The following ADGRV1 variants were observed in gnomAD, a reference collection of about 807,000 sequenced individuals.
ADGRV1 encodes adhesion G protein-coupled receptor V1, also known as G-protein coupled receptor 98.
In ADGRV1, 359 loss-of-function variants were observed where a neutral mutation model predicts 596.2. That is an observed-to-expected ratio of 0.60 (90% CI 0.55 to 0.66). ADGRV1 has a LOEUF of 0.66. Ranked by LOEUF, ADGRV1 falls within the 30% of genes least tolerant of loss-of-function variation. The probability of loss-of-function intolerance (pLI) is 0.00; values close to 1 mark genes in which losing one functional copy is unlikely to be tolerated. For missense variants in ADGRV1, 7,274 were observed against 7,575.6 expected (o/e 0.96, Z 1.48); for synonymous variants, 2,681 against 2,679.2 (o/e 1.00, Z -0.02).
At chr5:91,138,538 A>T (rs1465571332) in intron 87 of ADGRV1, among the ~76,000 whole-genome samples, 1 of 152,204 alleles carries the variant, frequency 6.6e-6, no homozygotes, top group Non-Finnish European at 1.5e-5. Context: ...CAACAAAAAG[A>T]TATTGAATGA....
At chr5:90,799,716 G>A (rs563702055) in intron 70 of ADGRV1, among the ~76,000 whole-genome samples, 2 of 152,204 alleles carry the variant, frequency 1.3e-5, no homozygotes, top group East Asian at 3.9e-4. Flanking sequence ...GCATGGTAGT[G>A]GTACCAAAAC....
intron 34 of ADGRV1, among the ~76,000 whole-genome samples, chr5:90,698,524 C>T (rs1747492724): frequency 6.6e-6 from 1 of 152,110 alleles, no homozygotes; most frequent in Non-Finnish European, 1.5e-5. Flanking sequence ...GCTGCAGAAC[C>T]TGGCAATGCA....
chr5:90,681,287 T>C, intron 26 of ADGRV1, 28 bp from the exon 27 acceptor site: 1 of 1,596,324 alleles, frequency 6.3e-7, no homozygotes, highest in Non-Finnish European at 8.5e-7. Context: ...CATTTTTTTT[T>C]TCTATTTGTT....
intron 83 of ADGRV1, among the ~76,000 whole-genome samples, chr5:90,896,368 C>G (rs958431165): frequency 1.4e-5 from 2 of 145,794 alleles, no homozygotes; most frequent in Non-Finnish European, 3.0e-5. Flanking sequence ...CCTCCCGGCT[C>G]GAGAGACTCC....
At chr5:90,924,662 T>C (rs1774239405) in intron 83 of ADGRV1, among the ~76,000 whole-genome samples, 1 of 152,116 alleles carries the variant, frequency 6.6e-6, no homozygotes, top group Non-Finnish European at 1.5e-5. Context: ...CAATTTTGTC[T>C]TTTGTTGCCA....
chr5:90,576,354 A>G (rs1322336576), intron 1 of ADGRV1, among the ~76,000 whole-genome samples: 2 of 151,780 alleles, frequency 1.3e-5, no homozygotes, highest in African/African-American at 2.4e-5. Flanking sequence ...ATGAGTGAGA[A>G]CATGTGGTGT....
intron 85 of ADGRV1, among the ~76,000 whole-genome samples, chr5:91,020,758 C>T (rs1293227306): frequency 6.6e-6 from 1 of 151,962 alleles, no homozygotes; most frequent in Non-Finnish European, 1.5e-5. Flanking sequence ...ACTAGGAAGA[C>T]ACTGGAAGAG....
At chr5:90,692,858 C>G (rs1439695573) in intron 32 of ADGRV1, 72 bp downstream of exon 32, 1 of 1,143,344 alleles carries the variant, frequency 8.7e-7, no homozygotes, top group Non-Finnish European at 1.2e-6. Flanking sequence ...ATCCCTTGCA[C>G]AGTTAAATCA....
At chr5:90,577,532 G>A (rs1757393566) in intron 1 of ADGRV1, among the ~76,000 whole-genome samples, 1 of 152,188 alleles carries the variant, frequency 6.6e-6, no homozygotes, top group South Asian at 2.1e-4. Context: ...TTGTAGTATA[G>A]TTTGAAGTCA....
intron 85 of ADGRV1, among the ~76,000 whole-genome samples, chr5:91,006,413 C>A (rs1046940843): frequency 6.6e-6 from 1 of 152,150 alleles, no homozygotes; most frequent in Admixed American, 6.6e-5. Context: ...TTTTGACAAA[C>A]ACCACAAACA....
chr5:90,910,548 ATAT>A (rs1772771582), intron 83 of ADGRV1, among the ~76,000 whole-genome samples: 1 of 138,092 alleles, frequency 7.2e-6, no homozygotes, highest in South Asian at 2.4e-4. Context: ...TTATATATAT[ATAT>A]TATCTATCTA....
At chr5:90,668,185 A>G (rs1380886792) in intron 21 of ADGRV1, among the ~76,000 whole-genome samples, 1 of 151,856 alleles carries the variant, frequency 6.6e-6, no homozygotes, top group Non-Finnish European at 1.5e-5. Context: ...AAGCCTGGGC[A>G]ATGGCGGGCG....
intron 77 of ADGRV1, among the ~76,000 whole-genome samples, chr5:90,835,012 A>G (rs1326420697): frequency 1.4e-5 from 2 of 146,986 alleles, no homozygotes; most frequent in African/African-American, 5.1e-5. Flanking sequence ...CCAATCCGTG[A>G]ACATGAAATA....
intron 85 of ADGRV1, among the ~76,000 whole-genome samples, chr5:91,003,831 G>A (rs572168312): frequency 5.3e-5 from 8 of 152,020 alleles, no homozygotes; most frequent in Admixed American, 1.3e-4. Context: ...TATTCTTCCC[G>A]GTGGACTCAG....
intron 1 of ADGRV1, among the ~76,000 whole-genome samples, chr5:90,602,260 T>C (rs2152025718): frequency 6.6e-6 from 1 of 152,272 alleles, no homozygotes; most frequent in East Asian, 1.9e-4. Flanking sequence ...AGGAAGTAAG[T>C]TTGTTTGATT....
chr5:90,690,654 A>G (rs1746347363), intron 30 of ADGRV1, 143 bp from the exon 31 acceptor site: 1 of 806,274 alleles, frequency 1.2e-6, no homozygotes, highest in Admixed American at 2.8e-5. Context: ...TTTGTATCAC[A>G]GCATGTTACT....
At position 90,694,629 on chromosome 5, in the gene ADGRV1, C is replaced by A. The variant is rs201583659; in HGVS notation, c.7873C>A (p.Arg2625Ser). Residue 2625 changes from arginine to serine, a missense_variant, in exon 33 of 90, where the codon CGT becomes AGT. This residue lies in a region of ADGRV1 where 3,643 missense variants were observed against 3,809.2 expected (regional missense o/e 0.96). Coordinates refer to ENST00000405460, the MANE Select transcript of ADGRV1 (RefSeq NM_032119.4). ...CTTAGGTCAAGTGGCAGTCGAATGGCGTGTTGTTGGTGGAACAGCTACTGA... is the reference window on the plus strand; with the variant it reads ...CTTAGGTCAAGTGGCAGTCGAATGGAGTGTTGTTGGTGGAACAGCTACTGA... ...GSLGQVAVEW[R>S]VVGGTATEGL... is the part of the protein sequence containing the mutation. 6 of 1,613,296 alleles carry A rather than the reference C, an allele frequency of 3.7e-6. No homozygotes were observed. The highest frequency in any genetic ancestry group is 4.2e-6 in the Non-Finnish European group (5 of 1,179,636).
chr5:91,154,515 G>A lies in ADGRV1; in HGVS notation c.18802+1117G>A, dbSNP rs1796309160. 2.6e-5 allele frequency among the ~76,000 whole-genome samples: 4 copies of A among 152,348 alleles called. No homozygotes were observed. The South Asian group carries it at 8.3e-4, about 32-fold the overall frequency. ...AAGCGGCGGCGCAAAGCAGATGCAG[G>A]CCGCCTGGCCTTGAGACCGTGCTCT... On this transcript the variant is annotated intron_variant, in intron 89 of 89. Transcript: ENST00000405460.
chr5:91,092,122 A>AT (rs1229859327), intron 86 of ADGRV1, among the ~76,000 whole-genome samples: 1 of 151,914 alleles, frequency 6.6e-6, no homozygotes, highest in Admixed American at 6.6e-5. Context: ...TTTTTTTGAG[A>AT]TAAAGTCTTG....
Sources: gnomAD v4.1 joint callset for allele counts (sites outside exome capture counted in the v4.1 genomes callset) on GRCh38, gnomAD v4.1.1 for gene constraint, gnomAD v4.1.1 regional missense constraint, MANE v1.5 for transcripts, NCBI Gene and HGNC (gene_info 2026-07-23, HGNC 2026-07-21) for gene names.